The following THRB variants were observed in gnomAD, a reference collection of about 807,000 sequenced individuals.
The protein encoded by THRB is thyroid hormone receptor beta.
In THRB, 12 loss-of-function variants were observed where a neutral mutation model predicts 47.8. The ratio of observed to expected loss-of-function variants is 0.25; its 90% CI spans 0.16 to 0.41. The LOEUF (loss-of-function observed/expected upper bound fraction) is 0.41. Ranked by LOEUF, THRB falls within the 10% of genes least tolerant of loss-of-function variation. The pLI is 1.00. For missense variants in THRB, 348 were observed against 589.2 expected (o/e 0.59, Z 4.24); for synonymous variants, 218 against 212.2 (o/e 1.03, Z -0.24).
intron 5 of THRB, among the ~76,000 whole-genome samples, chr3:24,170,028 G>A (rs1335968869): frequency 6.6e-6 from 1 of 152,076 alleles, no homozygotes; most frequent in Non-Finnish European, 1.5e-5. Context: ...CAACATCCAT[G>A]TGGATATCTC....
At chr3:24,152,972 AAGAAAG>A (rs1172405026) in intron 5 of THRB, among the ~76,000 whole-genome samples, 1,251 of 5,556 alleles carry the variant, frequency 0.23, 11 homozygotes, top group African/African-American at 0.39. Flanking sequence ...AAAAAAAAAA[AAGAAAG>A]AAAGAAAGAA....
chr3:24,435,412 G>T (rs1027771043), intron 1 of THRB, among the ~76,000 whole-genome samples: 31 of 152,150 alleles, frequency 2.0e-4, no homozygotes, highest in African/African-American at 6.3e-4. Flanking sequence ...TGGACATGGA[G>T]GTGCAGATCA....
At chr3:24,333,835 A>C (rs112462741) in intron 2 of THRB, among the ~76,000 whole-genome samples, 4 of 152,334 alleles carry the variant, frequency 2.6e-5, no homozygotes, top group African/African-American at 9.6e-5. Flanking sequence ...CTGAAGAAAA[A>C]TAATACAGCC....
chr3:24,269,403 G>GCGCGCACACACA (rs1175063428), intron 3 of THRB, among the ~76,000 whole-genome samples: 2 of 72,632 alleles, frequency 2.8e-5, no homozygotes, highest in African/African-American at 8.8e-5. Context: ...GCGCGCGCGC[G>GCGCGCACACACA]CACACACACA....
chr3:24,118,255 G>A lies in THRB; in HGVS notation c.*4629C>T, dbSNP rs1021443301. 2 of 152,400 alleles carry A rather than the reference G, an allele frequency of 1.3e-5. No homozygotes were observed. Among genetic ancestry groups the A allele is most frequent in the African/African-American group, 4.8e-5 (2 of 41,286 alleles). 9.4% of individuals were successfully genotyped at this position (152,400 alleles called of 1,614,324 possible). A position where few individuals can be genotyped will look rare whatever the true frequency, so the allele number is the denominator to read the frequency against. On this transcript the variant is annotated 3_prime_UTR_variant, in exon 11 of 11. Transcript: ENST00000646209. Reference sequence around the variant, plus strand: ...TCTTTTTTAGAATTTAAGCTTATGAGTTTATCTACGCCCACTATATTCATA... The same window carrying A: ...TCTTTTTTAGAATTTAAGCTTATGAATTTATCTACGCCCACTATATTCATA...
intron 4 of THRB, among the ~76,000 whole-genome samples, chr3:24,215,550 T>C (rs2046469879): frequency 6.6e-6 from 1 of 152,176 alleles, no homozygotes; most frequent in Non-Finnish European, 1.5e-5. Flanking sequence ...ACAGACACTT[T>C]TTAAACAAAA....
At chr3:24,324,353 T>G (rs1371387400) in intron 2 of THRB, among the ~76,000 whole-genome samples, 1 of 152,188 alleles carries the variant, frequency 6.6e-6, no homozygotes, top group Non-Finnish European at 1.5e-5. Context: ...AAACCTCCCC[T>G]TGTCTACAGC....
At chr3:24,461,711 A>G (rs2073718474) in intron 1 of THRB, among the ~76,000 whole-genome samples, 1 of 152,202 alleles carries the variant, frequency 6.6e-6, no homozygotes, top group South Asian at 2.1e-4. Context: ...TCTTCTAAGA[A>G]TTTCCTAAAT....
At position 24,375,012 on chromosome 3, in the gene THRB, T is replaced by C. The variant is rs143578776; in HGVS notation, c.-260-37641A>G. ...TTCTCAACAAGTTATAAACCTGGAT[T>C]ATAAAACTGTTAAACACTAGAGACA... On this transcript the variant is annotated intron_variant, in intron 1 of 10. Coordinates refer to ENST00000646209, the MANE Select transcript of THRB (RefSeq NM_001354712.2). Among the ~76,000 whole-genome samples, 523 of 152,176 alleles carry C rather than the reference T, an allele frequency of 3.4e-3. 1 individual carries two copies. Among genetic ancestry groups the C allele is most frequent in the Non-Finnish European group, 5.0e-3 (338 of 67,966 alleles).
At chr3:24,295,692 G>A (rs552406336) in intron 3 of THRB, among the ~76,000 whole-genome samples, 10 of 152,256 alleles carry the variant, frequency 6.6e-5, no homozygotes, top group Admixed American at 3.3e-4. Flanking sequence ...GGAAAACCCC[G>A]TATCACAGAG....
At chr3:24,190,802 T>C (rs2043233380) in intron 4 of THRB, among the ~76,000 whole-genome samples, 1 of 151,908 alleles carries the variant, frequency 6.6e-6, no homozygotes, top group Admixed American at 6.6e-5. Context: ...ACCCTGTTAC[T>C]TAAGTGGGAC....
chr3:24,137,365 A>C (rs1209121142), intron 8 of THRB, among the ~76,000 whole-genome samples: 1 of 152,192 alleles, frequency 6.6e-6, no homozygotes, highest in Non-Finnish European at 1.5e-5. Context: ...CTTGCATTGT[A>C]GTGAGGGGAG....
chr3:24,200,982 G>C (rs1006723462), intron 4 of THRB, among the ~76,000 whole-genome samples: 1 of 152,170 alleles, frequency 6.6e-6, no homozygotes, highest in Non-Finnish European at 1.5e-5. Flanking sequence ...CCCTAGGAGG[G>C]TCTATTTTAG....
intron 1 of THRB, among the ~76,000 whole-genome samples, chr3:24,362,048 G>A (rs2064111792): frequency 6.6e-6 from 1 of 152,090 alleles, no homozygotes; most frequent in African/African-American, 2.4e-5. Context: ...ATTACCGAAT[G>A]CTTACAATGG....
chr3:24,128,689 C>T (rs2033319803), intron 9 of THRB, among the ~76,000 whole-genome samples: 1 of 134,490 alleles, frequency 7.4e-6, no homozygotes, highest in Non-Finnish European at 1.5e-5. Flanking sequence ...CACAGCAGTA[C>T]AATGAAGTAA....
intron 4 of THRB, among the ~76,000 whole-genome samples, chr3:24,204,669 T>C (rs1268314310): frequency 6.6e-6 from 1 of 152,110 alleles, no homozygotes. Flanking sequence ...CTCTGACAAG[T>C]TGAGAGAAGA....
At chr3:24,491,828 G>A (rs1026354127) in intron 1 of THRB, among the ~76,000 whole-genome samples, 1 of 152,192 alleles carries the variant, frequency 6.6e-6, no homozygotes, top group Admixed American at 6.5e-5. Flanking sequence ...TGAAATTCAG[G>A]GAGTTGAAGG....
At chr3:24,181,383 TAAGCGTCAAAGCC>T (rs1559529110) in intron 5 of THRB, among the ~76,000 whole-genome samples, 1 of 152,254 alleles carries the variant, frequency 6.6e-6, no homozygotes, top group Non-Finnish European at 1.5e-5. Flanking sequence ...AAATAGCTGG[TAAGCGTCAAAGCC>T]AAGAACCAAT....
intron 5 of THRB, among the ~76,000 whole-genome samples, chr3:24,189,355 T>C (rs953317133): frequency 3.3e-5 from 5 of 152,124 alleles, no homozygotes; most frequent in Admixed American, 2.0e-4. Context: ...AAGATGCAAA[T>C]TGATCTCTTG....
Sources: allele counts gnomAD v4.1 joint callset (sites outside exome capture counted in the v4.1 genomes callset), GRCh38; gene constraint gnomAD v4.1.1; transcripts MANE v1.5; gene names NCBI Gene and HGNC (gene_info 2026-07-23, HGNC 2026-07-21).